Variants in PPIL2 observed in about 807,000 individuals in gnomAD.
The protein encoded by PPIL2 is peptidylprolyl isomerase like 2.
PPIL2 carries 50 observed loss-of-function variants against 75.2 expected under a neutral mutation model. The observed-to-expected ratio is 0.66, with a 90% CI of 0.53 to 0.84. The LOEUF (loss-of-function observed/expected upper bound fraction) is 0.84, where lower values mean the gene tolerates loss of function less well. Among genes scored for constraint, PPIL2 ranks in the 40% least tolerant of loss-of-function variants. PPIL2 has a pLI of 0.00. For missense variants in PPIL2, 590 were observed against 685.0 expected (o/e 0.86, Z 1.55); for synonymous variants, 245 against 258.8 (o/e 0.95, Z 0.51).
chr22:21,678,709 C>T (rs1327575448), intron 6 of PPIL2, among the ~76,000 whole-genome samples: 1 of 152,018 alleles, frequency 6.6e-6, no homozygotes, highest in Non-Finnish European at 1.5e-5. Flanking sequence ...AAACAGTTTT[C>T]ACATCAGAAG....
intron 9 of PPIL2, among the ~76,000 whole-genome samples, chr22:21,684,454 CAAAA>C (rs1028354500): frequency 2.1e-5 from 1 of 47,550 alleles, no homozygotes. Context: ...TCCATCTCCA[CAAAA>C]AAAAAAAAAA....
At chr22:21,682,644 G>C in intron 8 of PPIL2, 118 bp downstream of exon 8, 1 of 566,220 alleles carries the variant, frequency 1.8e-6, no homozygotes, top group South Asian at 2.6e-5. Flanking sequence ...AGCCACCTGA[G>C]GCATCTGAAT....
chr22:21,684,291 A>AACATGGTGAAACCCCGTCTTTACTAAAC (rs2067250532), intron 9 of PPIL2, among the ~76,000 whole-genome samples: 2 of 22,252 alleles, frequency 9.0e-5, no homozygotes, highest in African/African-American at 3.2e-4. Flanking sequence ...ACAAGATTGT[A>AACATGGTGAAACCCCGTCTTTACTAAAC]ACACAAAAAA....
At chr22:21,676,205 G>C (rs910752438) in intron 6 of PPIL2, among the ~76,000 whole-genome samples, 1 of 151,876 alleles carries the variant, frequency 6.6e-6, no homozygotes, top group Non-Finnish European at 1.5e-5. Flanking sequence ...CTCCACCCTG[G>C]TGGCCGAGGG....
chr22:21,686,685 C>T, intron 11 of PPIL2, 127 bp downstream of exon 11: 2 of 1,106,038 alleles, frequency 1.8e-6, no homozygotes, highest in Non-Finnish European at 2.7e-6. Context: ...CCCTAGTCCT[C>T]CCCCTCTTAG....
intron 1 of PPIL2, chr22:21,669,254 C>T: frequency 3.1e-6 from 1 of 321,530 alleles, no homozygotes. Context: ...CTCAACCTGC[C>T]TTCCTGCCTT....
chr22:21,678,966 G>A (rs1206678349), intron 6 of PPIL2, among the ~76,000 whole-genome samples: 1 of 149,192 alleles, frequency 6.7e-6, no homozygotes, highest in Non-Finnish European at 1.5e-5. Context: ...GCGTGATCTC[G>A]GCTCACTGCA....
Position 21,697,020 on chromosome 22 carries a change from C to T in PPIL2, c.*1530C>T. On this transcript the variant is annotated 3_prime_UTR_variant, in exon 20 of 20. Transcript: ENST00000398831. ...TCTTCTCCAGCCCATCCCTCTGCAG[C>T]CTGTCATCCCTGTCTGTGACCATTG... The T allele has an allele frequency of 2.0e-6, 3 of 1,534,586 alleles. No individual in the cohort carries two copies. Among genetic ancestry groups the T allele is most frequent in the Admixed American group, 2.0e-5 (1 of 50,922 alleles).
chr22:21,688,705 C>CAG (rs1362228231), intron 14 of PPIL2, 27 bp from the exon 15 acceptor site: 2 of 1,605,930 alleles, frequency 1.2e-6, no homozygotes, highest in Non-Finnish European at 1.7e-6. Context: ...CCAGGCTTTC[C>CAG]TGCTCCCATG....
At chr22:21,672,257 G>A in intron 4 of PPIL2, 73 bp from the exon 5 acceptor site, 1 of 1,380,380 alleles carries the variant, frequency 7.2e-7, no homozygotes. Context: ...AAGCAGCCCT[G>A]CAAGACCACA....
chr22:21,693,172 T>C (rs1298468106), intron 15 of PPIL2, among the ~76,000 whole-genome samples: 1 of 151,914 alleles, frequency 6.6e-6, no homozygotes. Context: ...CTTGGCCTCC[T>C]AAGTAGTTGG....
downstream of PPIL2, chr22:21,697,997 C>A (rs1171579086): frequency 6.6e-6 from 1 of 152,208 alleles, no homozygotes; most frequent in Non-Finnish European, 1.5e-5. Context: ...CAATGCCAAA[C>A]CACATTCCTA....
At position 21,694,683 on chromosome 22, in the gene PPIL2, T is replaced by TG; in HGVS notation, c.1269+22dup. 6.2e-7 allele frequency: 1 copy of TG among 1,613,468 alleles called. No individual in the cohort carries two copies. The highest frequency in any genetic ancestry group is 8.5e-7 in the Non-Finnish European group (1 of 1,179,836). ...GCCCTAAGGTCTGTGCCCAGGGAGGTGGGGCGTGGCGGCTGGGGGCCAGGC... is the reference window on the plus strand; with the variant it reads ...GCCCTAAGGTCTGTGCCCAGGGAGGTGGGGGCGTGGCGGCTGGGGGCCAGGC... On this transcript the variant is annotated intron_variant, in intron 17 of 19. Coordinates refer to ENST00000398831, the MANE Select transcript of PPIL2 (RefSeq NM_014337.4).
At chr22:21,672,233 G>A (rs1328726324) in intron 4 of PPIL2, 97 bp from the exon 5 acceptor site, 1 of 1,036,278 alleles carries the variant, frequency 9.6e-7, no homozygotes, top group African/African-American at 1.6e-5. Flanking sequence ...CCCCTTCACA[G>A]GCCTCTAACC....
chr22:21,698,609 AGGG>A (rs1225390632), downstream of PPIL2: 2 of 152,348 alleles, frequency 1.3e-5, no homozygotes, highest in Non-Finnish European at 2.9e-5. Flanking sequence ...CTCAAAGGGA[AGGG>A]TCAGTTTAAG....
Position 21,696,851 on chromosome 22 carries a change from C to T in PPIL2, c.*1361C>T. ...CCCTGGATGCTGGGTGGCGCCTCAT[C>T]TGCATCTCTGCCTCACCCCATCCAC... is the stretch of plus-strand genomic sequence containing the variant. On this transcript the variant is annotated 3_prime_UTR_variant, in exon 20 of 20. Transcript: ENST00000398831. 1.3e-6 allele frequency: 2 copies of T among 1,577,794 alleles called. No individual in the cohort carries two copies. Among genetic ancestry groups the T allele is most frequent in the Non-Finnish European group, 8.6e-7 (1 of 1,162,422 alleles).
At position 21,696,223 on chromosome 22, in the gene PPIL2, G is replaced by A. The variant is rs568067305; in HGVS notation, c.*733G>A. 6.1e-5 allele frequency: 61 copies of A among 1,005,018 alleles called. No individual in the cohort carries two copies. The Admixed American group carries it at 1.0e-3, about 17-fold the overall frequency. 62.3% of individuals were successfully genotyped at this position (1,005,018 alleles called of 1,614,324 possible). A position where few individuals can be genotyped will look rare whatever the true frequency, so the allele number is the denominator to read the frequency against. On this transcript the variant is annotated 3_prime_UTR_variant, in exon 20 of 20. Coordinates refer to ENST00000398831, the MANE Select transcript of PPIL2 (RefSeq NM_014337.4). ...GAGTTTCCTGCCGTGCCCTGCCTGA[G>A]CTCTCAGGGCCCTGCTCACCTGCTC... is the stretch of plus-strand genomic sequence containing the variant.
chr22:21,680,877 G>A (rs1209240225), intron 6 of PPIL2, among the ~76,000 whole-genome samples: 1 of 148,490 alleles, frequency 6.7e-6, no homozygotes, highest in Non-Finnish European at 1.5e-5. Context: ...AAAAAAGACA[G>A]TAGGCAGGCA....
intron 1 of PPIL2, among the ~76,000 whole-genome samples, chr22:21,668,052 C>T (rs2066464067): frequency 6.6e-6 from 1 of 151,868 alleles, no homozygotes; most frequent in Middle Eastern, 3.4e-3. Flanking sequence ...GCTGGGATTA[C>T]AGGCGTGAGC....
Sources: gnomAD v4.1 joint callset for allele counts (sites outside exome capture counted in the v4.1 genomes callset) on GRCh38, gnomAD v4.1.1 for gene constraint, MANE v1.5 for transcripts, NCBI Gene and HGNC (gene_info 2026-07-23, HGNC 2026-07-21) for gene names.